Variants in CPNE5 observed in about 807,000 individuals in gnomAD.
The protein encoded by CPNE5 is copine-5.
Under a neutral mutation model 81.1 loss-of-function variants are expected in CPNE5, and 42 were observed. The ratio of observed to expected loss-of-function variants is 0.52; its 90% CI spans 0.40 to 0.67. The LOEUF (loss-of-function observed/expected upper bound fraction) is 0.67, where lower values mean the gene tolerates loss of function less well. Ranked by LOEUF, CPNE5 falls within the 30% of genes least tolerant of loss-of-function variation. The pLI, the probability that CPNE5 is intolerant of heterozygous loss-of-function variation, is 0.00. For missense variants in CPNE5, 612 were observed against 815.5 expected (o/e 0.75, Z 3.04); for synonymous variants, 313 against 321.5 (o/e 0.97, Z 0.28).
chr6:36,797,836 C>G (rs769433885), intron 6 of CPNE5, among the ~76,000 whole-genome samples: 1 of 152,134 alleles, frequency 6.6e-6, no homozygotes. Context: ...AGCTGTGTGT[C>G]CTTGGGCAAG....
At chr6:36,810,061 G>A (rs147173633) in intron 3 of CPNE5, among the ~76,000 whole-genome samples, 1 of 152,022 alleles carries the variant, frequency 6.6e-6, no homozygotes, top group Non-Finnish European at 1.5e-5. Context: ...CATGGTGGGC[G>A]AGGAAGGGCC....
intron 8 of CPNE5, among the ~76,000 whole-genome samples, chr6:36,779,968 A>AT (rs5875558): frequency 0.031 from 4,302 of 139,266 alleles, 89 homozygotes; most frequent in African/African-American, 0.048. Context: ...CCCCCTTCCT[A>AT]TTTTTTTTTT....
At chr6:36,820,949 G>C (rs1771991005) in intron 3 of CPNE5, among the ~76,000 whole-genome samples, 1 of 148,960 alleles carries the variant, frequency 6.7e-6, no homozygotes, top group Non-Finnish European at 1.5e-5. Context: ...ACTGTCTCAA[G>C]GAAAAAAAAA....
chr6:36,796,787 C>T (rs998194156), intron 6 of CPNE5, among the ~76,000 whole-genome samples: 1 of 152,138 alleles, frequency 6.6e-6, no homozygotes, highest in Non-Finnish European at 1.5e-5. Flanking sequence ...TTTCTAGGAA[C>T]CCAGAGATGA....
Position 36,766,947 on chromosome 6 carries a change from C to T in CPNE5, c.738-1571G>A, listed in dbSNP as rs527506721. On this transcript the variant is annotated intron_variant, in intron 10 of 20. Coordinates refer to ENST00000244751, the MANE Select transcript of CPNE5 (RefSeq NM_020939.2). This position sits in a 1 kb window ranked among gnomAD's most constrained non-coding sequence, Gnocchi z 4.2. Reference sequence around the variant, plus strand: ...CTCGGCTCATTGCAACCTCCGCCTCCGGATTCAACTGATTCTCCTGCCTCA... The same window carrying T: ...CTCGGCTCATTGCAACCTCCGCCTCTGGATTCAACTGATTCTCCTGCCTCA... Among the ~76,000 whole-genome samples the T allele has an allele frequency of 7.2e-5, 11 of 152,276 alleles. No homozygotes were observed. The highest frequency in any genetic ancestry group is 6.2e-4 in the South Asian group (3 of 4,830).
At chr6:36,826,482 C>T (rs895314788) in intron 1 of CPNE5, among the ~76,000 whole-genome samples, 7 of 152,222 alleles carry the variant, frequency 4.6e-5, no homozygotes, top group Admixed American at 3.9e-4. Flanking sequence ...ACAGCTACTT[C>T]CTCTCCTCTC....
At chr6:36,769,174 A>G (rs1256653266) in intron 10 of CPNE5, among the ~76,000 whole-genome samples, 1 of 152,182 alleles carries the variant, frequency 6.6e-6, no homozygotes, top group Non-Finnish European at 1.5e-5. Context: ...CAGGTGCTGT[A>G]TACATATTTG....
chr6:36,783,378 T>A (rs1379218552), intron 8 of CPNE5, among the ~76,000 whole-genome samples: 167 of 118,400 alleles, frequency 1.4e-3, no homozygotes, highest in African/African-American at 2.1e-3. Context: ...GCAGTAAAAG[T>A]AAAAAAAAAA....
chr6:36,831,865 AT>A (rs1463275681), intron 1 of CPNE5, among the ~76,000 whole-genome samples: 1 of 152,162 alleles, frequency 6.6e-6, no homozygotes. Flanking sequence ...CAGTTTACAA[AT>A]GGAGAAACTG....
chr6:36,830,416 G>A (rs1772887802), intron 1 of CPNE5, among the ~76,000 whole-genome samples: 1 of 152,166 alleles, frequency 6.6e-6, no homozygotes, highest in Non-Finnish European at 1.5e-5. Context: ...AGGAAAGCAG[G>A]GCGGGAGCTG....
intron 1 of CPNE5, among the ~76,000 whole-genome samples, chr6:36,826,730 C>T (rs1325746269): frequency 2.0e-5 from 3 of 152,152 alleles, no homozygotes; most frequent in Non-Finnish European, 4.4e-5. Context: ...GATGGGTGAG[C>T]GAAGCCCGTA....
At chr6:36,742,525 TG>T in intron 20 of CPNE5, 39 bp from the exon 21 acceptor site, 1 of 1,588,518 alleles carries the variant, frequency 6.3e-7, no homozygotes. Context: ...GTGCCTCCTG[TG>T]GGACCCTGGC....
chr6:36,800,824 AG>A (rs770995155), intron 3 of CPNE5, among the ~76,000 whole-genome samples: 2 of 152,200 alleles, frequency 1.3e-5, no homozygotes, highest in Non-Finnish European at 2.9e-5. Flanking sequence ...TGCCTTATGA[AG>A]GGGCGGCAAG....
At chr6:36,767,015 TG>T (rs1275281464) in intron 10 of CPNE5, among the ~76,000 whole-genome samples, 2 of 152,094 alleles carry the variant, frequency 1.3e-5, no homozygotes, top group African/African-American at 4.8e-5. Flanking sequence ...CCACCACACC[TG>T]GCTAATTTTT....
In CPNE5 at chr6:36,778,950, G is replaced by T; in HGVS notation, c.536C>A (p.Ala179Asp). ...CTTGTTGGCACAGAACTGCATGGTG[G>T]CGACATCCTGGTGGGAGGGAGGGAG... ...AEELSNCRDV[A>D]TMQFCANKLD... The change falls in exon 9 of 21, where the codon GCC becomes GAC. Residue 179 changes from alanine (A) to aspartate (D), a missense_variant. Transcript: ENST00000244751. The T allele has an allele frequency of 3.1e-6, 5 of 1,591,728 alleles. No homozygotes were observed. Among genetic ancestry groups the T allele is most frequent in the Non-Finnish European group, 4.3e-6 (5 of 1,161,022 alleles).
chr6:36,783,122 C>T (rs1037078461), intron 8 of CPNE5, among the ~76,000 whole-genome samples: 5 of 152,026 alleles, frequency 3.3e-5, no homozygotes, highest in Non-Finnish European at 5.9e-5. Flanking sequence ...TATGAAATTG[C>T]CAATAATCAG....
chr6:36,777,766 C>CACACACACAGACACACACACACA (rs1165860902), intron 9 of CPNE5, among the ~76,000 whole-genome samples: 1 of 109,468 alleles, frequency 9.1e-6, no homozygotes, highest in Non-Finnish European at 1.8e-5. Flanking sequence ...CCCCCCCCCA[C>CACACACACAGACACACACACACA]CACACACACA....
At position 36,775,080 on chromosome 6, in the gene CPNE5, G is replaced by C. The variant is rs1171339751; in HGVS notation, c.633-15C>G. On this transcript the variant is annotated splice_polypyrimidine_tract_variant and intron_variant, in intron 9 of 20. Transcript: ENST00000244751. Reference sequence around the variant, plus strand: ...AAATGGTGAACCTGGTGAAGAAGAAGAGAGGGAAAGGCTGTCAGGCCCAAA... The same window carrying C: ...AAATGGTGAACCTGGTGAAGAAGAACAGAGGGAAAGGCTGTCAGGCCCAAA... 1 of 1,606,730 alleles carries C rather than the reference G, an allele frequency of 6.2e-7. No homozygotes were observed. The highest frequency in any genetic ancestry group is 1.3e-5 in the African/African-American group (1 of 74,794).
chr6:36,822,221 G>T, intron 2 of CPNE5, 61 bp from the exon 3 acceptor site: 1 of 1,375,148 alleles, frequency 7.3e-7, no homozygotes, highest in Non-Finnish European at 9.7e-7. Flanking sequence ...AGGGGTCCCA[G>T]ATGAAAAGGA....
Sources: gnomAD v4.1 joint callset for allele counts (sites outside exome capture counted in the v4.1 genomes callset) on GRCh38, gnomAD v4.1.1 for gene constraint, Gnocchi (gnomAD v3.1) non-coding constraint, MANE v1.5 for transcripts, NCBI Gene and HGNC (gene_info 2026-07-23, HGNC 2026-07-21) for gene names.